NAA50: variants seen among roughly 807,000 people sequenced by gnomAD.
The protein encoded by NAA50 is N-alpha-acetyltransferase 50.
NAA50 carries 7 observed loss-of-function variants against 20.7 expected under a neutral mutation model. The ratio of observed to expected loss-of-function variants is 0.34; its 90% CI spans 0.19 to 0.63. NAA50 has a LOEUF of 0.63. Among genes scored for constraint, NAA50 ranks in the 30% least tolerant of loss-of-function variants. The pLI, the probability that NAA50 is intolerant of heterozygous loss-of-function variation, is 0.75. For synonymous variants in NAA50, 54 were observed against 70.6 expected (o/e 0.77, Z 1.18); for missense variants, 111 against 199.1 (o/e 0.56, Z 2.66).
At chr3:113,738,215 ATTGTT>A (rs1708371287) in intron 1 of NAA50, among the ~76,000 whole-genome samples, 1 of 152,188 alleles carries the variant, frequency 6.6e-6, no homozygotes. Flanking sequence ...TCTGTGGAAA[ATTGTT>A]TCCACTGTCA....
chr3:113,721,609 A>G lies in NAA50; in HGVS notation c.*151T>C, dbSNP rs1708136697. The G allele has an allele frequency of 1.2e-5, 9 of 776,246 alleles. No homozygotes were observed. The highest frequency in any genetic ancestry group is 1.7e-5 in the Non-Finnish European group (8 of 482,160). The allele number at this position is 776,246 out of a possible 1,614,324, so 48.1% of individuals were successfully genotyped here. ...TTTTTTAAAGTCCTTGAAAGTATTAAAACTCTCAGAGAAAAGGAAAGGAAG... is the reference window on the plus strand; with the variant it reads ...TTTTTTAAAGTCCTTGAAAGTATTAGAACTCTCAGAGAAAAGGAAAGGAAG... On this transcript the variant is annotated 3_prime_UTR_variant, in exon 5 of 5. Transcript: ENST00000240922.
In NAA50 at chr3:113,725,700, A is replaced by C. The variant is rs147238501; in HGVS notation, c.9-1605T>G. ...AGGACTGCTTGAGCCTGGAAGGTCGAGGCTGCAGTAAGCTATGATTGTGTA... is the reference window on the plus strand; with the variant it reads ...AGGACTGCTTGAGCCTGGAAGGTCGCGGCTGCAGTAAGCTATGATTGTGTA... On this transcript the variant is annotated intron_variant, in intron 1 of 4. Coordinates refer to ENST00000240922, the MANE Select transcript of NAA50 (RefSeq NM_025146.4). 2.6e-5 allele frequency among the ~76,000 whole-genome samples: 4 copies of C among 152,306 alleles called. No homozygotes were observed. In the East Asian group the frequency reaches 7.7e-4, roughly 29 times the overall value.
At chr3:113,733,502 A>G (rs1708296767) in intron 1 of NAA50, among the ~76,000 whole-genome samples, 2 of 152,288 alleles carry the variant, frequency 1.3e-5, no homozygotes, top group South Asian at 4.1e-4. Context: ...AGATCATAAG[A>G]TAATATAAGG....
rs1399733540 is a variant in NAA50 at position 113,720,934 on chromosome 3, C to A, written c.*826G>T. The stretch of plus-strand genomic sequence containing the variant: ...GTTGGGTTTACTGAAGAAAAAGGAA[C>A]GGGAAAAAATTAAATCACAACACAC... On this transcript the variant is annotated 3_prime_UTR_variant, in exon 5 of 5. Coordinates refer to ENST00000240922, the MANE Select transcript of NAA50 (RefSeq NM_025146.4). 1 of 152,072 alleles carries A rather than the reference C, an allele frequency of 6.6e-6. No individual in the cohort carries two copies. The highest frequency in any genetic ancestry group is 2.4e-5 in the African/African-American group (1 of 41,262). 9.4% of individuals were successfully genotyped at this position (152,072 alleles called of 1,614,324 possible).
At chr3:113,741,103 A>G in intron 1 of NAA50, 1 of 546,760 alleles carries the variant, frequency 1.8e-6, no homozygotes, top group Non-Finnish European at 3.6e-6. Flanking sequence ...TCAGAAAGTT[A>G]TGTGGATGAC....
At chr3:113,738,200 A>G (rs893785021) in intron 1 of NAA50, among the ~76,000 whole-genome samples, 1 of 152,210 alleles carries the variant, frequency 6.6e-6, no homozygotes. Context: ...AAAGAATCAA[A>G]TTATTCTGTG....
At chr3:113,741,293 G>T in intron 1 of NAA50, 1 of 358,614 alleles carries the variant, frequency 2.8e-6, no homozygotes. Context: ...AGACCACAAG[G>T]TACATTTCAA....
chr3:113,743,094 G>A (rs1708439567), intron 1 of NAA50, among the ~76,000 whole-genome samples: 1 of 152,084 alleles, frequency 6.6e-6, no homozygotes, highest in Non-Finnish European at 1.5e-5. Flanking sequence ...ATTACATTCA[G>A]TAGTTAATAA....
rs201917824 is a variant in NAA50 at position 113,730,889 on chromosome 3, CAT to C, written c.9-6796_9-6795del. On this transcript the variant is annotated intron_variant, in intron 1 of 4. Coordinates refer to ENST00000240922, the MANE Select transcript of NAA50 (RefSeq NM_025146.4). ...CAAGTAAAATTCCTATAAACATTTA[CAT>C]ATAAGTTTTGGTATGAACATAAGTT... Among the ~76,000 whole-genome samples, 1,383 of 152,266 alleles carry C rather than the reference CAT, an allele frequency of 9.1e-3. 16 individuals are homozygous for C. Among genetic ancestry groups the C allele is most frequent in the African/African-American group, 0.03 (1,241 of 41,542 alleles).
At chr3:113,737,294 G>T (rs974752179) in intron 1 of NAA50, among the ~76,000 whole-genome samples, 2 of 152,174 alleles carry the variant, frequency 1.3e-5, no homozygotes, top group African/African-American at 2.4e-5. Context: ...AAATGTCAAG[G>T]GGTTAGAAGG....
chr3:113,723,924 AAAG>A (rs1708167796), intron 2 of NAA50, 32 bp downstream of exon 2: 2 of 1,519,644 alleles, frequency 1.3e-6, no homozygotes, highest in Non-Finnish European at 8.8e-7. Context: ...AAAAGAAAGA[AAAG>A]AAGGGAGGAC....
At chr3:113,739,230 G>A (rs1045330187) in intron 1 of NAA50, among the ~76,000 whole-genome samples, 6 of 152,108 alleles carry the variant, frequency 3.9e-5, no homozygotes, top group Admixed American at 6.5e-5. Context: ...TGAACGCATC[G>A]CAAAGAAAAT....
rs1242165143 is a variant in NAA50 at position 113,718,341 on chromosome 3, C to T, written c.*3419G>A. On this transcript the variant is annotated 3_prime_UTR_variant, in exon 5 of 5. Coordinates refer to ENST00000240922, the MANE Select transcript of NAA50 (RefSeq NM_025146.4). Reference sequence around the variant, plus strand: ...GCTTGACTGCAACCTTCTGAGATCTCAAGACAGAACCACCCAGTTAAGCAG... The same window carrying T: ...GCTTGACTGCAACCTTCTGAGATCTTAAGACAGAACCACCCAGTTAAGCAG... The T allele has an allele frequency of 6.6e-6, 1 of 152,202 alleles. No homozygotes were observed. The highest frequency in any genetic ancestry group is 2.4e-5 in the African/African-American group (1 of 41,430). The allele number at this position is 152,202 out of a possible 1,614,324, so 9.4% of individuals were successfully genotyped here.
chr3:113,745,089 T>C (rs527388576), intron 1 of NAA50, among the ~76,000 whole-genome samples: 33 of 152,244 alleles, frequency 2.2e-4, no homozygotes, highest in East Asian at 9.7e-4. Flanking sequence ...TTCGGAAAAA[T>C]GTTACGTAAT....
chr3:113,745,894 G>C, intron 1 of NAA50, 48 bp downstream of exon 1: 1 of 1,596,564 alleles, frequency 6.3e-7, no homozygotes, highest in Non-Finnish European at 8.5e-7. Flanking sequence ...CATGGGCCCG[G>C]ACCCTTCTAC....
chr3:113,722,666 G>C (rs1245403581), intron 4 of NAA50, among the ~76,000 whole-genome samples: 5 of 152,060 alleles, frequency 3.3e-5, no homozygotes, highest in African/African-American at 1.2e-4. Context: ...TTTCATCCCT[G>C]TGACTTTGGT....
intron 1 of NAA50, among the ~76,000 whole-genome samples, chr3:113,727,428 GAAT>G (rs902077737): frequency 2.6e-5 from 4 of 152,092 alleles, no homozygotes; most frequent in Admixed American, 6.6e-5. Flanking sequence ...AGTTTTCAAA[GAAT>G]AATACCAGGT....
chr3:113,740,243 C>T (rs1387199539), intron 1 of NAA50, among the ~76,000 whole-genome samples: 1 of 152,188 alleles, frequency 6.6e-6, no homozygotes, highest in East Asian at 1.9e-4. Context: ...ACACTTACAG[C>T]ATGGCCCAAT....
Position 113,744,241 on chromosome 3 carries a change from C to A in NAA50, c.8+1701G>T, listed in dbSNP as rs568835471. 1.2e-4 allele frequency among the ~76,000 whole-genome samples: 19 copies of A among 152,194 alleles called. No homozygotes were observed. In the South Asian group the frequency reaches 3.7e-3, roughly 30 times the overall value. On this transcript the variant is annotated intron_variant, in intron 1 of 4. Coordinates refer to ENST00000240922, the MANE Select transcript of NAA50 (RefSeq NM_025146.4). Reference sequence around the variant, plus strand: ...CTTTGGGAGGCAGAGGTGGGTGGATCGCTTGAGCTCAGGAGTTTGAGACCA... The same window carrying A: ...CTTTGGGAGGCAGAGGTGGGTGGATAGCTTGAGCTCAGGAGTTTGAGACCA...
Sources: gnomAD v4.1 joint callset for allele counts (sites outside exome capture counted in the v4.1 genomes callset) on GRCh38, gnomAD v4.1.1 for gene constraint, MANE v1.5 for transcripts, NCBI Gene and HGNC (gene_info 2026-07-23, HGNC 2026-07-21) for gene names.